Variants in CUX2 observed in about 807,000 individuals in gnomAD.
CUX2 encodes the protein cut like homeobox 2.
Under a neutral mutation model 144.8 loss-of-function variants are expected in CUX2, and 40 were observed. That is an observed-to-expected ratio of 0.28 (90% CI 0.21 to 0.36). The LOEUF is 0.36. Ranked by LOEUF, CUX2 falls within the 10% of genes least tolerant of loss-of-function variation. The pLI is 1.00. For synonymous variants in CUX2, 827 were observed against 875.6 expected, an observed-to-expected ratio of 0.94 and a Z score of 0.98; for missense variants, 1,615 against 1,994.0, an observed-to-expected ratio of 0.81 and a Z score of 3.62.
intron 16 of CUX2, among the ~76,000 whole-genome samples, chr12:111,313,149 C>T (rs1432009123): frequency 6.6e-6 from 1 of 152,096 alleles, no homozygotes; most frequent in East Asian, 1.9e-4. Context: ...GCAACCTCCA[C>T]CTCCTTGGTT....
chr12:111,316,041 T>C (rs536238146), intron 16 of CUX2, among the ~76,000 whole-genome samples: 7 of 152,274 alleles, frequency 4.6e-5, no homozygotes, highest in African/African-American at 1.7e-4. Flanking sequence ...ATTTTGATCT[T>C]GACTTTTTGT....
chr12:111,136,020 GCGGGGCC>G (rs1201444059), intron 1 of CUX2, among the ~76,000 whole-genome samples: 2 of 152,162 alleles, frequency 1.3e-5, no homozygotes, highest in Admixed American at 6.5e-5. Flanking sequence ...GCAGGTGGGT[GCGGGGCC>G]CGGGTGAGGA....
At chr12:111,200,568 G>A (rs1329393294) in intron 1 of CUX2, among the ~76,000 whole-genome samples, 2 of 151,976 alleles carry the variant, frequency 1.3e-5, no homozygotes. Context: ...TGGGAAGCAG[G>A]AGCCTCATGG....
chr12:111,144,799 G>A (rs889657088), intron 1 of CUX2, among the ~76,000 whole-genome samples: 1 of 152,230 alleles, frequency 6.6e-6, no homozygotes, highest in African/African-American at 2.4e-5. Context: ...GGGCCGGGGA[G>A]GGGGTGCCTA....
intron 3 of CUX2, among the ~76,000 whole-genome samples, chr12:111,240,889 T>G: frequency 6.6e-6 from 1 of 152,168 alleles, no homozygotes; most frequent in Non-Finnish European, 1.5e-5. Context: ...TCTAGAAAGC[T>G]CTGCAGGTGT....
intron 1 of CUX2, among the ~76,000 whole-genome samples, chr12:111,156,628 C>T (rs932214375): frequency 1.3e-5 from 2 of 152,172 alleles, no homozygotes; most frequent in Admixed American, 6.5e-5. Context: ...TGAGGAACCC[C>T]ATTCAGCAGC....
At chr12:111,227,074 G>A (rs1214540527) in intron 3 of CUX2, among the ~76,000 whole-genome samples, 1 of 152,186 alleles carries the variant, frequency 6.6e-6, no homozygotes, top group Non-Finnish European at 1.5e-5. Context: ...CACCAGCATA[G>A]GTCTTGTAGC....
At chr12:111,280,590 C>G (rs1290597599) in intron 4 of CUX2, among the ~76,000 whole-genome samples, 1 of 152,190 alleles carries the variant, frequency 6.6e-6, no homozygotes, top group African/African-American at 2.4e-5. Flanking sequence ...AATCCAGAAG[C>G]CCCACATCAA....
chr12:111,064,779 T>C (rs564627910), intron 1 of CUX2, among the ~76,000 whole-genome samples: 20 of 152,298 alleles, frequency 1.3e-4, no homozygotes, highest in African/African-American at 3.4e-4. Context: ...TGCTGTGAAA[T>C]TGGGCAAGTG....
intron 3 of CUX2, among the ~76,000 whole-genome samples, chr12:111,230,253 G>A (rs902898293): frequency 6.6e-6 from 1 of 151,970 alleles, no homozygotes; most frequent in African/African-American, 2.4e-5. Context: ...GAGGTGAAAG[G>A]AAAAAGAGAT....
chr12:111,144,864 G>C (rs1876559906), intron 1 of CUX2, among the ~76,000 whole-genome samples: 1 of 152,194 alleles, frequency 6.6e-6, no homozygotes, highest in African/African-American at 2.4e-5. Flanking sequence ...CCGGGCAGTA[G>C]CTCTTTCTCT....
chr12:111,268,984 C>T (rs1175166678), intron 4 of CUX2, among the ~76,000 whole-genome samples: 1 of 152,196 alleles, frequency 6.6e-6, no homozygotes, highest in Non-Finnish European at 1.5e-5. Context: ...CTTTCAGGCT[C>T]AAAGACCCAG....
intron 1 of CUX2, among the ~76,000 whole-genome samples, chr12:111,208,096 A>C (rs1011310438): frequency 6.6e-6 from 1 of 152,162 alleles, no homozygotes; most frequent in African/African-American, 2.4e-5. Flanking sequence ...GTCCTAGGCC[A>C]GGTTTTAAAC....
At chr12:111,273,450 C>T (rs1884721576) in intron 4 of CUX2, among the ~76,000 whole-genome samples, 1 of 152,166 alleles carries the variant, frequency 6.6e-6, no homozygotes, top group Non-Finnish European at 1.5e-5. Context: ...CGCCCCGACC[C>T]AGCTCCTACC....
At chr12:111,245,933 G>A (rs1883260342) in intron 3 of CUX2, among the ~76,000 whole-genome samples, 1 of 152,158 alleles carries the variant, frequency 6.6e-6, no homozygotes, top group Non-Finnish European at 1.5e-5. Context: ...CAACAGGGAG[G>A]CGTGGGGACT....
At chr12:111,244,722 A>G (rs1351364344) in intron 3 of CUX2, among the ~76,000 whole-genome samples, 1 of 152,088 alleles carries the variant, frequency 6.6e-6, no homozygotes, top group Non-Finnish European at 1.5e-5. Flanking sequence ...GCAGGGGGCA[A>G]TTGGTAGCAA....
chr12:111,061,530 G>A lies in CUX2; in HGVS notation c.63+27290G>A, dbSNP rs1188420838. Among the ~76,000 whole-genome samples, 1 of 152,178 alleles carries A rather than the reference G, an allele frequency of 6.6e-6. No homozygotes were observed. Among genetic ancestry groups the A allele is most frequent in the Non-Finnish European group, 1.5e-5 (1 of 68,032 alleles). Reference sequence around the variant, plus strand: ...TAGAGAAAAGAGGAAGAAGGAGACTGGAAGAACACCCTTTGGCATGGTGTG... The same window carrying A: ...TAGAGAAAAGAGGAAGAAGGAGACTAGAAGAACACCCTTTGGCATGGTGTG... On this transcript the variant is annotated intron_variant, in intron 1 of 21. Coordinates refer to ENST00000261726, the MANE Select transcript of CUX2 (RefSeq NM_015267.4). This position sits in a 1 kb window ranked among gnomAD's most constrained non-coding sequence, Gnocchi z 4.2.
chr12:111,226,252 C>T (rs995245726), intron 3 of CUX2, among the ~76,000 whole-genome samples: 6 of 152,220 alleles, frequency 3.9e-5, no homozygotes, highest in African/African-American at 7.2e-5. Flanking sequence ...CCTTCCCATC[C>T]TCCCTCCTCT....
intron 3 of CUX2, among the ~76,000 whole-genome samples, chr12:111,247,154 C>A (rs949315433): frequency 2.6e-5 from 4 of 152,172 alleles, no homozygotes; most frequent in African/African-American, 9.7e-5. Context: ...CAAACCCAGG[C>A]TCCTCACCTC....
Sources: allele counts gnomAD v4.1 joint callset (sites outside exome capture counted in the v4.1 genomes callset), GRCh38; gene constraint gnomAD v4.1.1; non-coding constraint Gnocchi (gnomAD v3.1); transcripts MANE v1.5; gene names NCBI Gene and HGNC (gene_info 2026-07-23, HGNC 2026-07-21).